Variants in ABCC4 observed in about 807,000 individuals in gnomAD.
ABCC4 encodes ATP-binding cassette sub-family C member 4.
In ABCC4, 102 loss-of-function variants were observed where a neutral mutation model predicts 168.5. That is an observed-to-expected ratio of 0.61 (90% CI 0.52 to 0.71). The LOEUF is 0.71. ABCC4 is among the 30% of genes least tolerant of loss of function. The pLI is 0.00. For synonymous variants in ABCC4, 617 were observed against 590.7 expected (o/e 1.04, Z -0.65); for missense variants, 1,402 against 1,605.8 (o/e 0.87, Z 2.17).
At chr13:95,109,137 G>T (rs2035114568) in intron 20 of ABCC4, among the ~76,000 whole-genome samples, 1 of 152,200 alleles carries the variant, frequency 6.6e-6, no homozygotes, top group African/African-American at 2.4e-5. Context: ...TGGCATACAG[G>T]AGGTGTCCAA....
chr13:95,234,929 C>T, intron 3 of ABCC4, 95 bp from the exon 4 acceptor site: 1 of 910,770 alleles, frequency 1.1e-6, no homozygotes, highest in Non-Finnish European at 1.6e-6. Flanking sequence ...CTTGCTCTGT[C>T]ACCCATGCTG....
intron 19 of ABCC4, among the ~76,000 whole-genome samples, chr13:95,151,222 C>T (rs911960366): frequency 6.6e-5 from 10 of 152,076 alleles, no homozygotes; most frequent in Admixed American, 6.5e-5. Flanking sequence ...TGGCTCACAC[C>T]TGTCCCAGCA....
At chr13:95,100,967 G>T (rs115683120) in intron 20 of ABCC4, among the ~76,000 whole-genome samples, 2,105 of 152,216 alleles carry the variant, frequency 0.014, 57 homozygotes, top group African/African-American at 0.048. Flanking sequence ...TGAAATGTAA[G>T]GGTCAGTGGT....
intron 1 of ABCC4, among the ~76,000 whole-genome samples, chr13:95,283,144 A>T (rs545497843): frequency 3.7e-4 from 55 of 150,128 alleles, no homozygotes; most frequent in African/African-American, 1.3e-3. Context: ...TGAACCTGGG[A>T]GGCGGAGGCT....
chr13:95,163,104 C>G lies in ABCC4; in HGVS notation c.2308+18G>C. ...CACCTCAGCCTCTCATACAATACAC[C>G]AAATGATTAAACTTTACCTGAATAA... On this transcript the variant is annotated intron_variant, in intron 18 of 30. Coordinates refer to ENST00000645237, the MANE Select transcript of ABCC4 (RefSeq NM_005845.5). The G allele has an allele frequency of 6.3e-7, 1 of 1,576,958 alleles. No homozygotes were observed. The highest frequency in any genetic ancestry group is 8.7e-7 in the Non-Finnish European group (1 of 1,146,808).
chr13:95,062,949 A>T, intron 25 of ABCC4, 90 bp from the exon 26 acceptor site: 1 of 1,414,984 alleles, frequency 7.1e-7, no homozygotes. Flanking sequence ...CGGTTTTTGA[A>T]GAAGAATTAA....
At chr13:95,251,295 G>A (rs2040251918) in intron 1 of ABCC4, among the ~76,000 whole-genome samples, 1 of 151,900 alleles carries the variant, frequency 6.6e-6, no homozygotes, top group African/African-American at 2.4e-5. Flanking sequence ...CTCTCTTTTA[G>A]CCCTCTCTGC....
rs1388442969 is a variant in ABCC4, at chr13:95,194,951, G to A, written c.1162-14C>T. 2 of 1,600,492 alleles carry A rather than the reference G, an allele frequency of 1.2e-6. No homozygotes were observed. Among genetic ancestry groups the A allele is most frequent in the Non-Finnish European group, 1.7e-6 (2 of 1,170,372 alleles). On this transcript the variant is annotated splice_polypyrimidine_tract_variant and intron_variant, in intron 8 of 30. Transcript: ENST00000645237. Reference sequence around the variant, plus strand: ...TAGCAAAAAGGTCTAAAGAAAATGGGAAAAACACAGATTGTTTAAATTACA... The same window carrying A: ...TAGCAAAAAGGTCTAAAGAAAATGGAAAAAACACAGATTGTTTAAATTACA...
Position 95,206,402 on chromosome 13 carries a change from G to C in ABCC4, c.1161+130C>G, listed in dbSNP as rs1371033129. On this transcript the variant is annotated intron_variant, in intron 8 of 30. Transcript: ENST00000645237. ...GATAGGGAAGTACACACAACATTCT[G>C]GAATGGCGGCACGTTTTGGTTATGA... 4.1e-6 allele frequency: 5 copies of C among 1,229,410 alleles called. No individual in the cohort carries two copies. The Admixed American group carries it at 6.4e-5, about 16-fold the overall frequency. 76.2% of individuals were successfully genotyped at this position (1,229,410 alleles called of 1,614,324 possible).
chr13:95,239,877 T>C (rs2039882204), intron 3 of ABCC4, among the ~76,000 whole-genome samples: 1 of 152,196 alleles, frequency 6.6e-6, no homozygotes, highest in Non-Finnish European at 1.5e-5. Context: ...ATATTTCAGC[T>C]AATAAATGAG....
In ABCC4 at chr13:95,074,280, G is replaced by A. The variant is rs1039728112; in HGVS notation, c.2851C>T (p.Arg951Cys). 5 of 1,613,850 alleles carry A rather than the reference G, an allele frequency of 3.1e-6. No individual in the cohort carries two copies. Among genetic ancestry groups the A allele is most frequent in the South Asian group, 1.1e-5 (1 of 90,966 alleles). The change falls in exon 23 of 31, where the codon CGT becomes TGT. Residue 951 changes from arginine (R) to cysteine (C), a missense_variant. Transcript: ENST00000645237. ...AACATGGCACAGATGGCATCCAGACGGACGGCAAACCAGCGGGACGTTGTC... is the reference window on the plus strand; with the variant it reads ...AACATGGCACAGATGGCATCCAGACAGACGGCAAACCAGCGGGACGTTGTC... Reference protein sequence around the residue: ...FLTTSRWFAVRLDAICAMFVI... With the variant: ...FLTTSRWFAVCLDAICAMFVI...
intron 1 of ABCC4, chr13:95,269,223 T>G: frequency 2.2e-6 from 1 of 449,266 alleles, no homozygotes; most frequent in South Asian, 1.6e-5. Context: ...TGACTAGAAG[T>G]CAGGGTGGGC....
chr13:95,265,763 T>C (rs1293394970), intron 1 of ABCC4, among the ~76,000 whole-genome samples: 2 of 151,548 alleles, frequency 1.3e-5, no homozygotes, highest in Non-Finnish European at 2.9e-5. Flanking sequence ...GCCAGCAAAA[T>C]GAAAAAAAAT....
At chr13:95,257,239 A>G (rs2040414586) in intron 1 of ABCC4, among the ~76,000 whole-genome samples, 1 of 152,252 alleles carries the variant, frequency 6.6e-6, no homozygotes, top group Non-Finnish European at 1.5e-5. Context: ...ATTGTGGAAA[A>G]TCATTGAGGA....
chr13:95,053,196 A>C lies in ABCC4; in HGVS notation c.3367-12T>G. 1 of 1,610,134 alleles carries C rather than the reference A, an allele frequency of 6.2e-7. No homozygotes were observed. Among genetic ancestry groups the C allele is most frequent in the Non-Finnish European group, 8.5e-7 (1 of 1,176,306 alleles). On this transcript the variant is annotated splice_polypyrimidine_tract_variant and intron_variant, in intron 26 of 30. Coordinates refer to ENST00000645237, the MANE Select transcript of ABCC4 (RefSeq NM_005845.5). ...AACAAAACAGGTTCCTAAGTGCCCA[A>C]AATAGTCACGGTCATTACCACAGAC...
In ABCC4 at chr13:95,044,423, T is replaced by C. The variant is rs760902252; in HGVS notation, c.3472A>G (p.Thr1158Ala). 3.1e-6 allele frequency: 5 copies of C among 1,611,152 alleles called. No homozygotes were observed. In the East Asian group the frequency reaches 8.9e-5, roughly 29 times the overall value. The change falls in exon 28 of 31, where the codon ACC becomes GCC. Residue 1158 changes from threonine to alanine, a missense_variant. Around this residue, in one of 3 missense-constraint regions of ABCC4, gnomAD observed 1,007 missense variants for 1,127.3 expected, o/e 0.89. Coordinates refer to ENST00000645237, the MANE Select transcript of ABCC4 (RefSeq NM_005845.5). ...NALQEVQLKE[T>A]IEDLPGKMDT... The stretch of plus-strand genomic sequence containing the variant: ...ATTTTACCAGGAAGATCTTCAATGG[T>C]TTCTTTAAGTTGTACCTGTAGATGT...
intron 6 of ABCC4, 74 bp from the exon 7 acceptor site, chr13:95,207,999 G>C: frequency 6.5e-7 from 1 of 1,542,694 alleles, no homozygotes; most frequent in Non-Finnish European, 8.7e-7. Context: ...GCACAGGCAG[G>C]GACCTGCATC....
At chr13:95,031,618 T>C (rs1227520067) in intron 30 of ABCC4, among the ~76,000 whole-genome samples, 1 of 152,248 alleles carries the variant, frequency 6.6e-6, no homozygotes, top group Non-Finnish European at 1.5e-5. Context: ...TTAATATTGT[T>C]GAATTAGATG....
At chr13:95,185,333 A>G (rs535516809) in intron 11 of ABCC4, among the ~76,000 whole-genome samples, 22 of 152,360 alleles carry the variant, frequency 1.4e-4, no homozygotes, top group African/African-American at 4.3e-4. Flanking sequence ...AGTGTATACT[A>G]TTCAATAAAA....
Sources: allele counts gnomAD v4.1 joint callset (sites outside exome capture counted in the v4.1 genomes callset), GRCh38; gene constraint gnomAD v4.1.1; regional missense constraint gnomAD v4.1.1; transcripts MANE v1.5; gene names NCBI Gene and HGNC (gene_info 2026-07-23, HGNC 2026-07-21).